PLA2G6: variants seen among roughly 807,000 people sequenced by gnomAD.
PLA2G6 encodes 85/88 kDa calcium-independent phospholipase A2.
In PLA2G6, 62 loss-of-function variants were observed where a neutral mutation model predicts 83.8. The observed-to-expected ratio is 0.74, with a 90% CI of 0.60 to 0.91. The LOEUF (loss-of-function observed/expected upper bound fraction) is 0.91. Among genes scored for constraint, PLA2G6 ranks in the 40% least tolerant of loss-of-function variants. The pLI is 0.00. For missense variants in PLA2G6, 944 were observed against 1,102.0 expected (o/e 0.86, Z 2.03); for synonymous variants, 417 against 449.8 (o/e 0.93, Z 0.92).
intron 5 of PLA2G6, chr22:38,139,780 C>T (rs1490516501): frequency 1.9e-5 from 11 of 587,714 alleles, no homozygotes; most frequent in Non-Finnish European, 2.4e-5. Flanking sequence ...ACTTGTGAAC[C>T]GAGATTCCTA....
intron 11 of PLA2G6, among the ~76,000 whole-genome samples, chr22:38,121,837 G>A (rs933253342): frequency 6.6e-6 from 1 of 152,190 alleles, no homozygotes; most frequent in Middle Eastern, 3.2e-3. Flanking sequence ...CCCTGTGGAA[G>A]ACCAGAGAGG....
At chr22:38,163,312 T>C (rs2090090068) in intron 2 of PLA2G6, 1 of 160,516 alleles carries the variant, frequency 6.2e-6, no homozygotes, top group Non-Finnish European at 1.5e-5. Context: ...TTAAGGTCTA[T>C]CTCTACCCCA....
At chr22:38,156,978 A>T (rs2089807338) in intron 2 of PLA2G6, among the ~76,000 whole-genome samples, 1 of 152,188 alleles carries the variant, frequency 6.6e-6, no homozygotes, top group South Asian at 2.1e-4. Flanking sequence ...ACAGGGAAAG[A>T]AGTACTAAGA....
rs1007394146 is a variant in PLA2G6, at chr22:38,123,064, G to A, written c.1591+31C>T. The stretch of plus-strand genomic sequence containing the variant: ...CCTTGAGGACACAGGTCTCAGCCCC[G>A]CCTGGCCCCATCCCCAGGGGCCGCC... On this transcript the variant is annotated intron_variant, in intron 11 of 16. Coordinates refer to ENST00000332509, the MANE Select transcript of PLA2G6 (RefSeq NM_003560.4). This position sits in a 1 kb window ranked among gnomAD's most constrained non-coding sequence, Gnocchi z 4.1. 4.5e-6 allele frequency: 7 copies of A among 1,542,982 alleles called. No homozygotes were observed. Among genetic ancestry groups the A allele is most frequent in the South Asian group, 2.4e-5 (2 of 83,890 alleles).
Position 38,116,065 on chromosome 22 carries a change from T to G in PLA2G6, c.1879+10A>C. ...TCGCTTCCCATGGATGCATCAAACA[T>G]GGTTTAAACCTGAGGGCTGAGCTGG... is the stretch of plus-strand genomic sequence containing the variant. On this transcript the variant is annotated intron_variant, in intron 13 of 16. Coordinates refer to ENST00000332509, the MANE Select transcript of PLA2G6 (RefSeq NM_003560.4). The G allele has an allele frequency of 6.2e-7, 1 of 1,613,600 alleles. No homozygotes were observed. Among genetic ancestry groups the G allele is most frequent in the Non-Finnish European group, 8.5e-7 (1 of 1,179,898 alleles).
Position 38,132,986 on chromosome 22 carries a change from A to G in PLA2G6, c.922T>C (p.Cys308Arg). 6.4e-7 allele frequency: 1 copy of G among 1,567,802 alleles called. No homozygotes were observed. Among genetic ancestry groups the G allele is most frequent in the Non-Finnish European group, 8.6e-7 (1 of 1,157,004 alleles). The change falls in exon 7 of 17, where the codon TGC becomes CGC. Residue 308 changes from cysteine to arginine, a missense_variant. Transcript: ENST00000332509. The surrounding 1 kb of genome is among the most constrained non-coding windows in gnomAD (Gnocchi z 5.0). ...EMARMLLKRG[C>R]NVNSTSSAGN... ...GCGGAGCTGGTGCTGTTCACGTTGCAGCCCCGTTTCAGCAGCATGCGGGCC... is the reference window on the plus strand; with the variant it reads ...GCGGAGCTGGTGCTGTTCACGTTGCGGCCCCGTTTCAGCAGCATGCGGGCC...
At chr22:38,152,867 T>G (rs2089623362) in intron 2 of PLA2G6, among the ~76,000 whole-genome samples, 1 of 152,082 alleles carries the variant, frequency 6.6e-6, no homozygotes, top group Non-Finnish European at 1.5e-5. Flanking sequence ...GCAAAAGCAT[T>G]ATGCTAAGTG....
At position 38,115,509 on chromosome 22, in the gene PLA2G6, C is replaced by T; in HGVS notation, c.2034+18G>A. On this transcript the variant is annotated intron_variant, in intron 14 of 16. Transcript: ENST00000332509. ...CCAGGGAGCAGTGGGTCCAGGCCCTCTGGCCTACGGCACTCACCTTGCGGA... is the reference window on the plus strand; with the variant it reads ...CCAGGGAGCAGTGGGTCCAGGCCCTTTGGCCTACGGCACTCACCTTGCGGA... The T allele has an allele frequency of 6.2e-7, 1 of 1,610,452 alleles. No individual in the cohort carries two copies. The highest frequency in any genetic ancestry group is 1.1e-5 in the South Asian group (1 of 90,522).
intron 5 of PLA2G6, chr22:38,136,545 TCACACCATTG>T (rs1406340309): frequency 2.0e-5 from 3 of 151,300 alleles, no homozygotes; most frequent in Non-Finnish European, 4.4e-5. Flanking sequence ...TAAGCCGAGA[TCACACCATTG>T]CACTCCAGCC....
At chr22:38,129,663 G>A (rs1374930923) in intron 7 of PLA2G6, 101 bp from the exon 8 acceptor site, 6 of 837,476 alleles carry the variant, frequency 7.2e-6, no homozygotes, top group African/African-American at 5.0e-5. Context: ...CACCCAGCGG[G>A]CCTCTCCTCA....
chr22:38,120,991 C>G lies in PLA2G6; in HGVS notation c.1592-82G>C. 9 of 1,533,782 alleles carry G rather than the reference C, an allele frequency of 5.9e-6. No homozygotes were observed. The South Asian group carries it at 9.1e-5, about 15-fold the overall frequency. ...TAGAACAGCCTGCAGAGCGCCTGAA[C>G]GCAGGAGGTGGCAGGAGGAAGCGGG... On this transcript the variant is annotated intron_variant, in intron 11 of 16. Transcript: ENST00000332509.
intron 1 of PLA2G6, among the ~76,000 whole-genome samples, chr22:38,177,647 AG>A (rs954197374): frequency 3.9e-5 from 6 of 152,100 alleles, no homozygotes; most frequent in Non-Finnish European, 7.4e-5. Flanking sequence ...TATTTTTAGT[AG>A]AAACGGGGTT....
intron 12 of PLA2G6, among the ~76,000 whole-genome samples, chr22:38,117,563 A>T (rs1321045037): frequency 6.6e-6 from 1 of 152,204 alleles, no homozygotes; most frequent in Non-Finnish European, 1.5e-5. Context: ...CACCAGTAAG[A>T]GAGAGTAGGC....
chr22:38,177,212 G>C (rs1200320492), intron 1 of PLA2G6, among the ~76,000 whole-genome samples: 1 of 152,060 alleles, frequency 6.6e-6, no homozygotes, highest in African/African-American at 2.4e-5. Flanking sequence ...CACACAGCAG[G>C]TGCTCAATCT....
rs1484455290 is a variant in PLA2G6 at position 38,115,628 on chromosome 22, G to C, written c.1933C>G (p.Arg645Gly). ...CCGTCCAGGAAGCGCCCATTGGGTCGGAAGTAAGTAGGAGCTGCCCCGCTG... is the reference window on the plus strand; with the variant it reads ...CCGTCCAGGAAGCGCCCATTGGGTCCGAAGTAAGTAGGAGCTGCCCCGCTG... ...RSSGAAPTYF[R>G]PNGRFLDGGL... Residue 645 changes from arginine (R) to glycine (G), a missense_variant, in exon 14 of 17, where the codon CGA becomes GGA. Transcript: ENST00000332509. The C allele has an allele frequency of 6.2e-7, 1 of 1,607,526 alleles. No individual in the cohort carries two copies. Among genetic ancestry groups the C allele is most frequent in the South Asian group, 1.1e-5 (1 of 89,888 alleles).
At chr22:38,160,927 GTGC>G (rs2089984662) in intron 2 of PLA2G6, among the ~76,000 whole-genome samples, 1 of 152,152 alleles carries the variant, frequency 6.6e-6, no homozygotes, top group African/African-American at 2.4e-5. Flanking sequence ...GGCTTCTGGG[GTGC>G]TGTAATGTCC....
intron 2 of PLA2G6, among the ~76,000 whole-genome samples, chr22:38,162,606 C>T (rs1262070151): frequency 6.6e-6 from 1 of 152,090 alleles, no homozygotes; most frequent in African/African-American, 2.4e-5. Flanking sequence ...AAGGCCAGCG[C>T]GTGGTCATGT....
At position 38,132,124 on chromosome 22, in the gene PLA2G6, G is replaced by A. The variant is rs1269235220; in HGVS notation, c.1077+707C>T. On this transcript the variant is annotated intron_variant, in intron 7 of 16. Transcript: ENST00000332509. The surrounding 1 kb of genome is among the most constrained non-coding windows in gnomAD (Gnocchi z 5.0). ...TGCGAGACTCCATCTCGAAAAAAAA[G>A]AATACATGCACACACATATGTCTGT... 2.2e-6 allele frequency: 1 copy of A among 455,828 alleles called. No homozygotes were observed. The highest frequency in any genetic ancestry group is 4.4e-6 in the Non-Finnish European group (1 of 226,804). 28.2% of individuals were successfully genotyped at this position (455,828 alleles called of 1,614,324 possible).
At position 38,127,462 on chromosome 22, in the gene PLA2G6, C is replaced by A. The variant is rs1279493494; in HGVS notation, c.1348+807G>T. Reference sequence around the variant, plus strand: ...CCGGCCTGGCTTGGGTGACTGCCTGCAAAATTGAGAGATAAAGATGGGAGG... The same window carrying A: ...CCGGCCTGGCTTGGGTGACTGCCTGAAAAATTGAGAGATAAAGATGGGAGG... On this transcript the variant is annotated intron_variant, in intron 9 of 16. Coordinates refer to ENST00000332509, the MANE Select transcript of PLA2G6 (RefSeq NM_003560.4). 6.0e-6 allele frequency: 8 copies of A among 1,329,450 alleles called. No individual in the cohort carries two copies. In the East Asian group the frequency reaches 1.5e-4, roughly 25 times the overall value. 82.4% of individuals were successfully genotyped at this position (1,329,450 alleles called of 1,614,324 possible).
Sources: gnomAD v4.1 joint callset for allele counts (sites outside exome capture counted in the v4.1 genomes callset) on GRCh38, gnomAD v4.1.1 for gene constraint, Gnocchi (gnomAD v3.1) non-coding constraint, MANE v1.5 for transcripts, NCBI Gene and HGNC (gene_info 2026-07-23, HGNC 2026-07-21) for gene names.